Variants in ASPM observed in about 807,000 individuals in gnomAD.
The protein encoded by ASPM is abnormal spindle-like microcephaly-associated protein.
ASPM carries 256 observed loss-of-function variants against 366.4 expected under a neutral mutation model. The ratio of observed to expected loss-of-function variants is 0.70; its 90% CI spans 0.63 to 0.77. ASPM has a LOEUF of 0.77. ASPM is among the 30% of genes least tolerant of loss of function. The pLI is 0.00. For missense variants in ASPM, 4,146 were observed against 4,090.4 expected, an observed-to-expected ratio of 1.01 and a Z score of -0.37; for synonymous variants, 1,414 against 1,342.9, an observed-to-expected ratio of 1.05 and a Z score of -1.16.
intron 21 of ASPM, 41 bp downstream of exon 21, chr1:197,093,011 T>C: frequency 6.6e-7 from 1 of 1,523,774 alleles, no homozygotes; most frequent in African/African-American, 1.4e-5. Flanking sequence ...TCAAGTGCTT[T>C]CATTTTATAA....
chr1:197,123,750 T>C (rs921820106), intron 13 of ASPM, among the ~76,000 whole-genome samples: 8 of 152,172 alleles, frequency 5.3e-5, no homozygotes, highest in African/African-American at 1.2e-4. Context: ...AATTTTGTTC[T>C]TCTTCCTCTA....
intron 10 of ASPM, among the ~76,000 whole-genome samples, chr1:197,126,674 A>C (rs1325559727): frequency 1.3e-5 from 2 of 152,240 alleles, no homozygotes; most frequent in Non-Finnish European, 2.9e-5. Flanking sequence ...GAACTGCTAA[A>C]GTGAGACAAA....
At chr1:197,107,879 T>TAGTACA (rs1391194265) in intron 17 of ASPM, among the ~76,000 whole-genome samples, 4 of 152,138 alleles carry the variant, frequency 2.6e-5, no homozygotes, top group Admixed American at 6.6e-5. Context: ...TATGCTATTG[T>TAGTACA]AGTACAAAAG....
intron 16 of ASPM, among the ~76,000 whole-genome samples, chr1:197,119,434 C>A (rs1657840424): frequency 1.3e-5 from 2 of 151,988 alleles, no homozygotes; most frequent in African/African-American, 4.8e-5. Context: ...CATTCATGGA[C>A]AAAATAGGCT....
At chr1:197,141,890 T>C (rs1053744869) in intron 3 of ASPM, among the ~76,000 whole-genome samples, 4 of 152,162 alleles carry the variant, frequency 2.6e-5, no homozygotes, top group Non-Finnish European at 5.9e-5. Context: ...GTGACTTACT[T>C]GCCTCTCACA....
chr1:197,117,819 T>A lies in ASPM; in HGVS notation c.4035A>T (p.Lys1345Asn), dbSNP rs537034419. The A allele has an allele frequency of 6.2e-7, 1 of 1,612,834 alleles. No homozygotes were observed. Among genetic ancestry groups the A allele is most frequent in the African/African-American group, 1.3e-5 (1 of 74,968 alleles). Residue 1345 changes from lysine to asparagine, a missense_variant, in exon 17 of 28, where the codon AAA becomes AAT. Transcript: ENST00000367409. ...TAAGTGATGCTGCTTTATTTTGAAC[T>A]TTTTCCAGCTTTTCCTTTTTTAACA... ...LLMLKKEKLE[K>N]VQNKAASLIQ...
intron 17 of ASPM, among the ~76,000 whole-genome samples, chr1:197,113,492 A>G (rs886085671): frequency 2.6e-5 from 4 of 152,206 alleles, no homozygotes; most frequent in African/African-American, 7.2e-5. Context: ...AATGTCCTCT[A>G]AAACAAATCA....
chr1:197,129,404 T>C, intron 8 of ASPM, 87 bp from the exon 9 acceptor site: 1 of 1,433,516 alleles, frequency 7.0e-7, no homozygotes, highest in South Asian at 1.2e-5. Context: ...TAATAAGGTG[T>C]TAGTAAAACA....
chr1:197,116,818 T>C (rs780490600), intron 17 of ASPM, among the ~76,000 whole-genome samples: 19 of 152,120 alleles, frequency 1.2e-4, no homozygotes, highest in Non-Finnish European at 2.5e-4. Flanking sequence ...ATTCATATGG[T>C]TTGAACTCAC....
At chr1:197,130,089 T>C (rs1423395495) in intron 7 of ASPM, 33 bp from the exon 8 acceptor site, 5 of 1,605,454 alleles carry the variant, frequency 3.1e-6, no homozygotes, top group African/African-American at 1.3e-5. Flanking sequence ...GTCAGAATTA[T>C]GCTATCTCTA....
rs548493873 is a variant in ASPM, at chr1:197,120,363, C to T, written c.3870+1552G>A. On this transcript the variant is annotated intron_variant, in intron 16 of 27. Transcript: ENST00000367409. ...TAGGCAATGGGGTGAAATCCTGTCT[C>T]TACAAAAAATACAAAAATTAGCTGG... 8.5e-5 allele frequency among the ~76,000 whole-genome samples: 13 copies of T among 152,086 alleles called. No individual in the cohort carries two copies. In the South Asian group the frequency reaches 2.7e-3, roughly 32 times the overall value.
rs75869575 is a variant in ASPM, at chr1:197,108,530, C to T, written c.4066-3345G>A. On this transcript the variant is annotated intron_variant, in intron 17 of 27. Coordinates refer to ENST00000367409, the MANE Select transcript of ASPM (RefSeq NM_018136.5). The stretch of plus-strand genomic sequence containing the variant: ...AGGAATGAAAAAGGGAATATCACTA[C>T]AGACTACCCAGGCATCAAAAGGATA... 6.0e-3 allele frequency among the ~76,000 whole-genome samples: 909 copies of T among 152,134 alleles called. 16 individuals are homozygous for T. The highest frequency in any genetic ancestry group is 0.021 in the African/African-American group (872 of 41,506).
rs376811340 is a variant in ASPM, at chr1:197,093,034, C to A, written c.9294+18G>T. ...TTTCATTTTATAAGAATGAGATATG[C>A]TACTTGAAAATACTTACTCTTTTTC... On this transcript the variant is annotated intron_variant, in intron 21 of 27. Coordinates refer to ENST00000367409, the MANE Select transcript of ASPM (RefSeq NM_018136.5). 5 of 1,567,868 alleles carry A rather than the reference C, an allele frequency of 3.2e-6. No homozygotes were observed. The African/African-American group carries it at 6.8e-5, about 21-fold the overall frequency.
intron 17 of ASPM, among the ~76,000 whole-genome samples, chr1:197,110,975 A>G (rs1217145289): frequency 6.6e-6 from 1 of 151,974 alleles, no homozygotes; most frequent in Non-Finnish European, 1.5e-5. Flanking sequence ...GACCCAAACC[A>G]ATAAAAACCC....
chr1:197,104,883 C>T lies in ASPM; in HGVS notation c.4368G>A (p.Trp1456Ter). 1 of 1,607,082 alleles carries T rather than the reference C, an allele frequency of 6.2e-7. No homozygotes were observed. The highest frequency in any genetic ancestry group is 8.5e-7 in the Non-Finnish European group (1 of 1,177,744). The change falls in exon 18 of 28, where the codon TGG becomes TGA. Residue 1456 changes from tryptophan to a stop codon, truncating the protein, a stop_gained. Transcript: ENST00000367409. LOFTEE classifies it high-confidence loss of function. The part of the protein sequence containing the change: ...TVILQRAFRE[W>*]HLRKQAKEEN... ...CTTCTTTAGCTTGTTTTCTTAAATGCCATTCTCTAAAAGCTCTTTGCAATA... is the reference window on the plus strand; with the variant it reads ...CTTCTTTAGCTTGTTTTCTTAAATGTCATTCTCTAAAAGCTCTTTGCAATA...
At chr1:197,125,810 G>A (rs1342742832) in intron 10 of ASPM, among the ~76,000 whole-genome samples, 1 of 151,832 alleles carries the variant, frequency 6.6e-6, no homozygotes, top group Non-Finnish European at 1.5e-5. Flanking sequence ...GACAGAAAAA[G>A]CAAACCCCAA....
chr1:197,087,837 T>C (rs1336802529), intron 26 of ASPM, among the ~76,000 whole-genome samples: 1 of 152,178 alleles, frequency 6.6e-6, no homozygotes. Context: ...CTTACCAGGA[T>C]AAAGGCCACA....
intron 16 of ASPM, among the ~76,000 whole-genome samples, chr1:197,120,249 G>A (rs1277329661): frequency 1.3e-5 from 2 of 150,090 alleles, no homozygotes; most frequent in African/African-American, 5.0e-5. Context: ...ATCAGACTAA[G>A]GCTGGGTGCA....
Position 197,100,941 on chromosome 1 carries a change from A to G in ASPM, c.8310T>C (p.Val2770=), listed in dbSNP as rs762320131. The change falls in exon 18 of 28, where the codon GTT becomes GTC. Residue 2770 remains valine (V), a synonymous_variant. Coordinates refer to ENST00000367409, the MANE Select transcript of ASPM (RefSeq NM_018136.5). ...NVSEEKMAAI[V]NQSALCCYRS... is the part of the protein sequence containing the mutation. Reference sequence around the variant, plus strand: ...TGTAACAGCAGAGTGCAGATTGGTTAACAATGGCTGCCATCTTTTCCTCTG... The same window carrying G: ...TGTAACAGCAGAGTGCAGATTGGTTGACAATGGCTGCCATCTTTTCCTCTG... 6.2e-7 allele frequency: 1 copy of G among 1,612,740 alleles called. No individual in the cohort carries two copies. Among genetic ancestry groups the G allele is most frequent in the Admixed American group, 1.7e-5 (1 of 59,788 alleles).
Sources: gnomAD v4.1 joint callset for allele counts (sites outside exome capture counted in the v4.1 genomes callset) on GRCh38, gnomAD v4.1.1 for gene constraint, MANE v1.5 for transcripts, NCBI Gene and HGNC (gene_info 2026-07-23, HGNC 2026-07-21) for gene names.